ESRRB: variants seen among roughly 807,000 people sequenced by gnomAD.
ESRRB encodes the protein estrogen related receptor beta, also known as steroid hormone receptor ERR2.
A neutral mutation model predicts 46.0 loss-of-function variants in ESRRB; 16 were observed. That is an observed-to-expected ratio of 0.35 (90% CI 0.24 to 0.53). The LOEUF (loss-of-function observed/expected upper bound fraction) is 0.53, where lower values mean the gene tolerates loss of function less well. Among genes scored for constraint, ESRRB ranks in the 20% least tolerant of loss-of-function variants. The pLI, the probability that ESRRB is intolerant of heterozygous loss-of-function variation, is 0.93. For missense variants in ESRRB, 488 were observed against 607.4 expected, an observed-to-expected ratio of 0.80 and a Z score of 2.07; for synonymous variants, 246 against 259.6, an observed-to-expected ratio of 0.95 and a Z score of 0.50.
intron 1 of ESRRB, among the ~76,000 whole-genome samples, chr14:76,354,928 C>G (rs1884361813): frequency 6.6e-6 from 1 of 152,012 alleles, no homozygotes. Flanking sequence ...CCAGGCTGGT[C>G]TCGAACTCCT....
At chr14:76,346,609 CT>C (rs1249249722) in intron 1 of ESRRB, among the ~76,000 whole-genome samples, 1 of 152,196 alleles carries the variant, frequency 6.6e-6, no homozygotes, top group Non-Finnish European at 1.5e-5. Flanking sequence ...GAGTGCCAGC[CT>C]CCATGCCCCT....
chr14:76,437,390 A>C (rs9944037), intron 1 of ESRRB, among the ~76,000 whole-genome samples: 60,961 of 151,948 alleles, frequency 0.4, 12,632 homozygotes, highest in East Asian at 0.51. Context: ...GGCCTCTCCC[A>C]ATCATAAGGT....
At chr14:76,449,243 A>C (rs143707129) in intron 2 of ESRRB, among the ~76,000 whole-genome samples, 1 of 152,178 alleles carries the variant, frequency 6.6e-6, no homozygotes, top group Non-Finnish European at 1.5e-5. Context: ...GGAATAACTA[A>C]ATTTGTGTTA....
Position 76,482,732 on chromosome 14 carries a change from A to T in ESRRB, c.823A>T (p.Ile275Phe), listed in dbSNP as rs371238611. 5 of 1,614,022 alleles carry T rather than the reference A, an allele frequency of 3.1e-6. No homozygotes were observed. The highest frequency in any genetic ancestry group is 2.2e-5 in the East Asian group (1 of 44,884). ...CCTGGCAGACCGAGAGCTTGTGGTC[A>T]TCATTGGCTGGGCCAAGCACATCCC... ...CDLADRELVV[I>F]IGWAKHIPGF... The change falls in exon 5 of 7, where the codon ATC (isoleucine) becomes TTC (phenylalanine). Residue 275 changes from isoleucine (I) to phenylalanine (F), a missense_variant. Ile to Phe is a conservative substitution (Grantham distance 21). Coordinates refer to ENST00000644823, the MANE Select transcript of ESRRB (RefSeq NM_001379180.1). This position sits in a 1 kb window ranked among gnomAD's most constrained non-coding sequence, Gnocchi z 4.3.
intron 5 of ESRRB, among the ~76,000 whole-genome samples, chr14:76,483,335 G>T (rs1420464599): frequency 6.6e-6 from 1 of 152,234 alleles, no homozygotes; most frequent in Admixed American, 6.5e-5. Flanking sequence ...GATCCTGTGT[G>T]TGAAGTGTTC....
At chr14:76,354,220 A>ACC (rs1431949106) in intron 1 of ESRRB, among the ~76,000 whole-genome samples, 12 of 28,276 alleles carry the variant, frequency 4.2e-4, no homozygotes, top group East Asian at 0.013. Flanking sequence ...AGGGTCCTCT[A>ACC]CCCGCCCCCC....
rs1064434 is a variant in ESRRB, at chr14:76,439,413, G to T, written c.123G>T (p.Pro41=). 2.2e-5 allele frequency: 35 copies of T among 1,613,496 alleles called. 1 individual carries two copies. Among genetic ancestry groups the T allele is most frequent in the Non-Finnish European group, 2.5e-5 (29 of 1,179,922 alleles). ...GCGGCTCCTTCATCAAGACTGAGCC[G>T]TCCAGCCCGTCCTCGGGCATCGATG... ...SSCGSFIKTE[P]SSPSSGIDAL... Residue 41 remains proline, a synonymous_variant, in exon 2 of 7, where the codon CCG becomes CCT. Coordinates refer to ENST00000644823, the MANE Select transcript of ESRRB (RefSeq NM_001379180.1).
chr14:76,368,126 CTTTTTTTTT>C (rs751709764), upstream of ESRRB, among the ~76,000 whole-genome samples: 9 of 124,224 alleles, frequency 7.2e-5, no homozygotes, highest in Non-Finnish European at 1.3e-4. Flanking sequence ...CTAATTTTTC[CTTTTTTTTT>C]TTTTTTTTTT....
intron 2 of ESRRB, among the ~76,000 whole-genome samples, chr14:76,440,186 C>T (rs1185579973): frequency 6.6e-6 from 1 of 152,116 alleles, no homozygotes; most frequent in Admixed American, 6.5e-5. Context: ...ACAAGTAAAA[C>T]GCCAGATGTG....
Position 76,482,521 on chromosome 14 carries a change from C to T in ESRRB, c.689-77C>T. ...AGCTCTTAGGAACCCAACTTTGCTT[C>T]CTGACCCATCTGAGCCTCCACCCCG... On this transcript the variant is annotated intron_variant, in intron 4 of 6. Coordinates refer to ENST00000644823, the MANE Select transcript of ESRRB (RefSeq NM_001379180.1). This position sits in a 1 kb window ranked among gnomAD's most constrained non-coding sequence, Gnocchi z 4.3. 1 of 1,542,516 alleles carries T rather than the reference C, an allele frequency of 6.5e-7. No individual in the cohort carries two copies. The highest frequency in any genetic ancestry group is 8.9e-7 in the Non-Finnish European group (1 of 1,117,662).
At chr14:76,495,360 C>G (rs1424862147) in intron 6 of ESRRB, 1 of 151,926 alleles carries the variant, frequency 6.6e-6, no homozygotes, top group African/African-American at 2.4e-5. Context: ...GGATAAGAAG[C>G]TGGAGGTGGA....
chr14:76,373,175 C>T (rs368734363), upstream of ESRRB, among the ~76,000 whole-genome samples: 13 of 152,164 alleles, frequency 8.5e-5, no homozygotes, highest in East Asian at 3.8e-4. Context: ...ACTTGCCTAC[C>T]TGGGGGTACT....
At chr14:76,487,124 C>T (rs1462778646) in intron 5 of ESRRB, among the ~76,000 whole-genome samples, 2 of 152,132 alleles carry the variant, frequency 1.3e-5, no homozygotes, top group East Asian at 1.9e-4. Context: ...TGTATGTCCC[C>T]CAGTCCATGG....
chr14:76,399,643 A>G (rs1415807940), intron 1 of ESRRB, among the ~76,000 whole-genome samples: 1 of 152,214 alleles, frequency 6.6e-6, no homozygotes, highest in African/African-American at 2.4e-5. Flanking sequence ...TTTTGATTAC[A>G]AAGAAAGTGA....
At chr14:76,415,335 C>T (rs1301852467) in intron 1 of ESRRB, among the ~76,000 whole-genome samples, 1 of 152,094 alleles carries the variant, frequency 6.6e-6, no homozygotes, top group East Asian at 1.9e-4. Flanking sequence ...CAGTGGTAAG[C>T]ACTTAAATTG....
chr14:76,383,116 C>T (rs1483946924), intron 1 of ESRRB, among the ~76,000 whole-genome samples: 2 of 152,156 alleles, frequency 1.3e-5, no homozygotes, highest in African/African-American at 4.8e-5. Flanking sequence ...CAGCCTTGTG[C>T]CTGACCATTG....
chr14:76,381,204 G>A (rs990179243), intron 1 of ESRRB, among the ~76,000 whole-genome samples: 1 of 152,126 alleles, frequency 6.6e-6, no homozygotes. Context: ...GTCCCTGCGC[G>A]GGGAGGTTGT....
At chr14:76,357,896 C>T (rs1053997562) in intron 1 of ESRRB, among the ~76,000 whole-genome samples, 1 of 152,134 alleles carries the variant, frequency 6.6e-6, no homozygotes, top group Non-Finnish European at 1.5e-5. Context: ...TACAAAACTA[C>T]ATAAAATATA....
At position 76,485,837 on chromosome 14, in the gene ESRRB, C is replaced by T. The variant is rs139898955; in HGVS notation, c.850+3078C>T. Among the ~76,000 whole-genome samples the T allele has an allele frequency of 2.4e-3, 358 of 152,246 alleles. 2 individuals are homozygous for T. The highest frequency in any genetic ancestry group is 8.2e-3 in the African/African-American group (341 of 41,540). On this transcript the variant is annotated intron_variant, in intron 5 of 6. Coordinates refer to ENST00000644823, the MANE Select transcript of ESRRB (RefSeq NM_001379180.1). ...AAGAATTTAGGCCAGTGTCCTTAAA[C>T]GCAAGGTACCGCATCTCACGAGAGG...
Sources: allele counts gnomAD v4.1 joint callset (sites outside exome capture counted in the v4.1 genomes callset), GRCh38; gene constraint gnomAD v4.1.1; non-coding constraint Gnocchi (gnomAD v3.1); transcripts MANE v1.5; gene names NCBI Gene and HGNC (gene_info 2026-07-23, HGNC 2026-07-21).